ITGA8: variants seen among roughly 807,000 people sequenced by gnomAD.
ITGA8 encodes integrin subunit alpha 8.
ITGA8 carries 91 observed loss-of-function variants against 142.3 expected under a neutral mutation model. That is an observed-to-expected ratio of 0.64 (90% CI 0.54 to 0.76). ITGA8 has a LOEUF of 0.76. Among genes scored for constraint, ITGA8 ranks in the 30% least tolerant of loss-of-function variants. The pLI is 0.00. For synonymous variants in ITGA8, 505 were observed against 485.2 expected (o/e 1.04, Z -0.54); for missense variants, 1,406 against 1,327.7 (o/e 1.06, Z -0.92).
chr10:15,555,862 AT>A (rs1242891462), intron 26 of ITGA8, among the ~76,000 whole-genome samples: 2 of 150,450 alleles, frequency 1.3e-5, no homozygotes, highest in South Asian at 2.1e-4. Context: ...CGCCCGGATA[AT>A]TTTTTTTGTA....
chr10:15,672,484 A>G, intron 7 of ITGA8, 140 bp downstream of exon 7: 1 of 1,025,924 alleles, frequency 9.7e-7, no homozygotes, highest in Non-Finnish European at 1.4e-6. Context: ...AAAAGAAAAG[A>G]AAAATTGAGT....
intron 11 of ITGA8, among the ~76,000 whole-genome samples, chr10:15,650,574 C>T (rs1016282776): frequency 2.6e-5 from 4 of 152,132 alleles, no homozygotes; most frequent in South Asian, 2.1e-4. Flanking sequence ...TCATCAGATG[C>T]GGCCCCTTGA....
chr10:15,678,974 C>G (rs1015852750), intron 4 of ITGA8, among the ~76,000 whole-genome samples, 191 bp from the exon 5 acceptor site: 4 of 152,140 alleles, frequency 2.6e-5, no homozygotes, highest in Non-Finnish European at 5.9e-5. Flanking sequence ...TTTTCTTACA[C>G]CAAATAGCGT....
At chr10:15,614,998 G>C (rs1007732280) in intron 14 of ITGA8, among the ~76,000 whole-genome samples, 1 of 152,176 alleles carries the variant, frequency 6.6e-6, no homozygotes, top group Non-Finnish European at 1.5e-5. Context: ...AGAGGACTGG[G>C]TAAGAAAGTT....
At chr10:15,719,275 G>T (rs1456741599) in intron 1 of ITGA8, among the ~76,000 whole-genome samples, 1 of 152,220 alleles carries the variant, frequency 6.6e-6, no homozygotes, top group African/African-American at 2.4e-5. Context: ...ACTGGCTTGG[G>T]TCTTCTGGGT....
chr10:15,594,049 C>T (rs1402973777), intron 21 of ITGA8, among the ~76,000 whole-genome samples: 1 of 151,952 alleles, frequency 6.6e-6, no homozygotes, highest in Non-Finnish European at 1.5e-5. Flanking sequence ...ATCTTGTTGG[C>T]CAGGCTGGTC....
At position 15,597,280 on chromosome 10, in the gene ITGA8, C is replaced by A. The variant is rs1176576665; in HGVS notation, c.2138G>T (p.Cys713Phe). ...RNNKGFRPLS[C>F]EYKMENVTRM... ...GGTTACATTTTCCATCTTGTACTCA[C>A]AGCTCAGTGGTCGAAATCCCTACAA... The change falls in exon 21 of 30, where the codon TGT becomes TTT. Residue 713 changes from cysteine to phenylalanine, a missense_variant. Physicochemically the swap from Cys to Phe is radical, Grantham distance 205. Transcript: ENST00000378076. 1 of 1,613,904 alleles carries A rather than the reference C, an allele frequency of 6.2e-7. No individual in the cohort carries two copies. Among genetic ancestry groups the A allele is most frequent in the Non-Finnish European group, 8.5e-7 (1 of 1,179,916 alleles).
intron 8 of ITGA8, among the ~76,000 whole-genome samples, chr10:15,662,685 G>T (rs1834312758): frequency 2.6e-5 from 4 of 152,096 alleles, no homozygotes; most frequent in Admixed American, 2.6e-4. Flanking sequence ...TTAGATCCTT[G>T]ACCTAGGAAC....
chr10:15,580,932 G>C (rs973630943), intron 23 of ITGA8, among the ~76,000 whole-genome samples: 1 of 152,092 alleles, frequency 6.6e-6, no homozygotes, highest in Non-Finnish European at 1.5e-5. Flanking sequence ...TATGCAATAA[G>C]GGAAGAAAAA....
At chr10:15,699,014 A>G (rs996976945) in intron 2 of ITGA8, among the ~76,000 whole-genome samples, 27 of 152,328 alleles carry the variant, frequency 1.8e-4, no homozygotes, top group African/African-American at 5.5e-4. Context: ...GGCTAGGCAC[A>G]GTGGCTCATG....
intron 6 of ITGA8, among the ~76,000 whole-genome samples, chr10:15,676,403 A>T (rs1834631225): frequency 6.6e-6 from 1 of 152,152 alleles, no homozygotes; most frequent in South Asian, 2.1e-4. Context: ...CCTGTCAGCC[A>T]GTGGTCAGAG....
intron 28 of ITGA8, among the ~76,000 whole-genome samples, chr10:15,521,102 T>C (rs974631046): frequency 6.6e-6 from 1 of 152,246 alleles, no homozygotes; most frequent in African/African-American, 2.4e-5. Flanking sequence ...CACTGCAACT[T>C]CCACCTCCCA....
Position 15,575,538 on chromosome 10 carries a change from T to C in ITGA8, c.2429A>G (p.Glu810Gly). 1.9e-6 allele frequency: 3 copies of C among 1,614,064 alleles called. No homozygotes were observed. Among genetic ancestry groups the C allele is most frequent in the Non-Finnish European group, 2.5e-6 (3 of 1,179,914 alleles). ...TCCAACCTCCTCCTCTTTGTGGGGCTCCTCTTCTGGTTCCCAGTTATGAAT... is the reference window on the plus strand; with the variant it reads ...TCCAACCTCCTCCTCTTTGTGGGGCCCCTCTTCTGGTTCCCAGTTATGAAT... ...LPIHNWEPEE[E>G]PHKEEEVGPL... The change falls in exon 24 of 30, where the codon GAG becomes GGG. Residue 810 changes from glutamate (E) to glycine (G), a missense_variant. Glu to Gly is a moderately conservative substitution (Grantham distance 98). Transcript: ENST00000378076.
intron 2 of ITGA8, among the ~76,000 whole-genome samples, chr10:15,693,914 A>T (rs1465400905): frequency 6.6e-6 from 1 of 151,914 alleles, no homozygotes; most frequent in Non-Finnish European, 1.5e-5. Flanking sequence ...AGCTTAAGAT[A>T]GTTGAAGACA....
At chr10:15,682,227 T>G (rs1834750978) in intron 4 of ITGA8, among the ~76,000 whole-genome samples, 1 of 152,178 alleles carries the variant, frequency 6.6e-6, no homozygotes, top group South Asian at 2.1e-4. Context: ...ATAAACACAT[T>G]TATTTACATG....
At chr10:15,682,506 T>A (rs1054745685) in intron 4 of ITGA8, among the ~76,000 whole-genome samples, 1 of 152,194 alleles carries the variant, frequency 6.6e-6, no homozygotes, top group Non-Finnish European at 1.5e-5. Context: ...TCAGTATTTT[T>A]AAACAGAAAG....
chr10:15,566,260 C>T (rs1395768400), intron 25 of ITGA8, among the ~76,000 whole-genome samples: 6 of 152,234 alleles, frequency 3.9e-5, no homozygotes, highest in East Asian at 3.9e-4. Context: ...CAGCTTTCCA[C>T]GGCTCTCACA....
At position 15,644,103 on chromosome 10, in the gene ITGA8, G is replaced by A. The variant is rs1418229170; in HGVS notation, c.1326C>T (p.Ala442=). 1 of 1,613,970 alleles carries A rather than the reference G, an allele frequency of 6.2e-7. No homozygotes were observed. Among genetic ancestry groups the A allele is most frequent in the African/African-American group, 1.3e-5 (1 of 74,902 alleles). Residue 442 remains alanine, a synonymous_variant, in exon 13 of 30, where the codon GCC becomes GCT. Transcript: ENST00000378076. ...CAAATCCGGAAGGGACAGCATGTGA[G>A]GCCCACACTCCTTGCAGAACTTGGG... The part of the protein sequence containing the change: ...KPSQVLQGVW[A]SHAVPSGFGF...
chr10:15,561,407 C>G (rs1253157872), intron 25 of ITGA8, among the ~76,000 whole-genome samples: 1 of 151,588 alleles, frequency 6.6e-6, no homozygotes, highest in Non-Finnish European at 1.5e-5. Context: ...ATTTAGCGTT[C>G]TTAACATAAA....
Sources: allele counts gnomAD v4.1 joint callset (sites outside exome capture counted in the v4.1 genomes callset), GRCh38; gene constraint gnomAD v4.1.1; transcripts MANE v1.5; gene names NCBI Gene and HGNC (gene_info 2026-07-23, HGNC 2026-07-21).